Variants in APLF observed in about 807,000 individuals in gnomAD.
APLF encodes the protein aprataxin and PNK-like factor.
In APLF, 61 loss-of-function variants were observed where a neutral mutation model predicts 55.6. That is an observed-to-expected ratio of 1.10 (90% confidence interval 0.89 to 1.36). The LOEUF is 1.36. Among genes scored for constraint, APLF ranks in the 40% most tolerant of loss-of-function variants. The pLI, the probability that APLF is intolerant of heterozygous loss-of-function variation, is 0.00. For missense variants in APLF, 611 were observed against 602.5 expected, an observed-to-expected ratio of 1.01 and a Z score of -0.15; for synonymous variants, 207 against 214.8, an observed-to-expected ratio of 0.96 and a Z score of 0.32.
At chr2:68,571,144 T>G (rs1202010183) in intron 9 of APLF, among the ~76,000 whole-genome samples, 1 of 148,848 alleles carries the variant, frequency 6.7e-6, no homozygotes, top group African/African-American at 2.5e-5. Context: ...GATGGGGTTG[T>G]TTTTTTTTCT....
At chr2:68,557,062 AT>A (rs1181438373) in intron 8 of APLF, among the ~76,000 whole-genome samples, 1 of 152,216 alleles carries the variant, frequency 6.6e-6, no homozygotes, top group East Asian at 1.9e-4. Context: ...TGTTATCTTA[AT>A]TGACAGAAAG....
chr2:68,515,222 G>A (rs1044515924), intron 5 of APLF, among the ~76,000 whole-genome samples: 1 of 151,556 alleles, frequency 6.6e-6, no homozygotes, highest in Non-Finnish European at 1.5e-5. Context: ...CTAAGCCTAA[G>A]ACTTTTGCAG....
At chr2:68,577,587 C>T (rs545642993) in intron 9 of APLF, among the ~76,000 whole-genome samples, 1 of 152,238 alleles carries the variant, frequency 6.6e-6, no homozygotes, top group East Asian at 1.9e-4. Flanking sequence ...GATTAAGGAA[C>T]CATTATTATT....
chr2:68,492,472 C>T (rs912650493), intron 2 of APLF, among the ~76,000 whole-genome samples: 66 of 151,722 alleles, frequency 4.4e-4, no homozygotes, highest in Non-Finnish European at 6.2e-4. Context: ...AACGAGACTC[C>T]GCCTCAAAAA....
chr2:68,564,648 G>T (rs2104062052), intron 8 of APLF, among the ~76,000 whole-genome samples: 1 of 152,174 alleles, frequency 6.6e-6, no homozygotes. Context: ...GGGTTCTGTT[G>T]TTATCTCCCT....
chr2:68,473,996 C>T (rs1401317539), intron 1 of APLF, among the ~76,000 whole-genome samples: 2 of 152,224 alleles, frequency 1.3e-5, no homozygotes, highest in Non-Finnish European at 2.9e-5. Flanking sequence ...ACCTGTGCTT[C>T]TGAACCACTG....
chr2:68,508,072 C>A (rs962696115), intron 3 of APLF, among the ~76,000 whole-genome samples: 6 of 151,416 alleles, frequency 4.0e-5, no homozygotes, highest in African/African-American at 1.5e-4. Flanking sequence ...ATAATAGTAG[C>A]ATATTTTATA....
At chr2:68,497,009 G>A (rs1257733618) in intron 2 of APLF, among the ~76,000 whole-genome samples, 4 of 152,190 alleles carry the variant, frequency 2.6e-5, no homozygotes, top group Admixed American at 2.6e-4. Context: ...TATCTTCATA[G>A]CAATGTCCCA....
intron 8 of APLF, among the ~76,000 whole-genome samples, chr2:68,546,414 T>C (rs918339629): frequency 1.3e-4 from 20 of 152,096 alleles, no homozygotes; most frequent in African/African-American, 4.8e-4. Context: ...CAATTCATGA[T>C]GTGAGACCAG....
At chr2:68,577,696 A>G in intron 9 of APLF, 124 bp from the exon 10 acceptor site, 1 of 1,115,870 alleles carries the variant, frequency 9.0e-7, no homozygotes, top group East Asian at 2.6e-5. Flanking sequence ...AGAAATTTGT[A>G]GTGGTAAGCT....
intron 8 of APLF, among the ~76,000 whole-genome samples, chr2:68,557,456 A>G (rs1407077665): frequency 6.6e-6 from 1 of 152,248 alleles, no homozygotes; most frequent in Non-Finnish European, 1.5e-5. Flanking sequence ...AATGATTTTT[A>G]GAAACCACTT....
Position 68,538,051 on chromosome 2 carries a change from T to C in APLF, c.984T>C (p.Cys328=). ...AGGCAATGAGCTGTTCTGAAAATTG[T>C]TCGAGTGCCCAGGGCGACTCACTTC... ...EDEAMSCSEN[C]SSAQGDSLQD... Residue 328 remains cysteine (C), a synonymous_variant, in exon 7 of 10, where the codon TGT becomes TGC. Transcript: ENST00000303795. The C allele has an allele frequency of 6.2e-7, 1 of 1,614,162 alleles. No individual in the cohort carries two copies. Among genetic ancestry groups the C allele is most frequent in the East Asian group, 2.2e-5 (1 of 44,888 alleles).
At chr2:68,544,970 A>G (rs1230980831) in intron 7 of APLF, among the ~76,000 whole-genome samples, 2 of 152,182 alleles carry the variant, frequency 1.3e-5, no homozygotes, top group Non-Finnish European at 1.5e-5. Context: ...CCAGAAATGT[A>G]GTATGTTACT....
chr2:68,469,400 T>A (rs1337555747), intron 1 of APLF, among the ~76,000 whole-genome samples: 1 of 152,332 alleles, frequency 6.6e-6, no homozygotes, highest in South Asian at 2.1e-4. Flanking sequence ...TTTCATTATT[T>A]GTAGCTTGTT....
At chr2:68,517,018 A>T (rs1195931167) in intron 5 of APLF, among the ~76,000 whole-genome samples, 22 of 103,928 alleles carry the variant, frequency 2.1e-4, no homozygotes, top group African/African-American at 8.3e-4. Context: ...ATAATATATA[A>T]TAATATATTA....
At position 68,579,401 on chromosome 2, in the gene APLF, C is replaced by T; in HGVS notation, c.*1379C>T. On this transcript the variant is annotated 3_prime_UTR_variant, in exon 10 of 10. Coordinates refer to ENST00000303795, the MANE Select transcript of APLF (RefSeq NM_173545.3). ...ATATTTAACTTATTCTCATCCCTGC[C>T]ACTAACTTAATCCTTGAAGTGTTAC... 1 of 979,428 alleles carries T rather than the reference C, an allele frequency of 1.0e-6. No individual in the cohort carries two copies. Among genetic ancestry groups the T allele is most frequent in the Non-Finnish European group, 1.2e-6 (1 of 824,496 alleles). The allele number at this position is 979,428 out of a possible 1,614,324, so 60.7% of individuals were successfully genotyped here.
chr2:68,494,048 C>T (rs181607319), intron 2 of APLF, among the ~76,000 whole-genome samples: 1 of 150,502 alleles, frequency 6.6e-6, no homozygotes, highest in East Asian at 2.0e-4. Context: ...GCGGAGCTTG[C>T]AGTGAGCTGA....
intron 7 of APLF, among the ~76,000 whole-genome samples, chr2:68,541,325 T>C (rs1387667065): frequency 6.6e-6 from 1 of 152,090 alleles, no homozygotes; most frequent in African/African-American, 2.4e-5. Flanking sequence ...TTATGTTATA[T>C]TTAAATATAA....
chr2:68,563,431 T>C (rs1671217965), intron 8 of APLF: 1 of 844,210 alleles, frequency 1.2e-6, no homozygotes, highest in African/African-American at 1.8e-5. Flanking sequence ...ATGCAGATGG[T>C]GCATGCGAGT....
Sources: gnomAD v4.1 joint callset for allele counts (sites outside exome capture counted in the v4.1 genomes callset) on GRCh38, gnomAD v4.1.1 for gene constraint, MANE v1.5 for transcripts, NCBI Gene and HGNC (gene_info 2026-07-23, HGNC 2026-07-21) for gene names.